TNIP2: variants seen among roughly 807,000 people sequenced by gnomAD.
TNIP2 encodes the protein TNFAIP3-interacting protein 2.
Under a neutral mutation model 43.7 loss-of-function variants are expected in TNIP2, and 30 were observed. That is an observed-to-expected ratio of 0.69 (90% CI 0.51 to 0.93). The LOEUF (loss-of-function observed/expected upper bound fraction) is 0.93, where lower values mean the gene tolerates loss of function less well. Ranked by LOEUF, TNIP2 falls within the 40% of genes least tolerant of loss-of-function variation. The probability of loss-of-function intolerance (pLI) is 0.00; values close to 1 mark genes in which losing one functional copy is unlikely to be tolerated. For missense variants in TNIP2, 599 were observed against 591.0 expected, an observed-to-expected ratio of 1.01 and a Z score of -0.14; for synonymous variants, 260 against 254.6, an observed-to-expected ratio of 1.02 and a Z score of -0.20.
chr4:2,752,102 TAA>T (rs77704885), intron 1 of TNIP2, among the ~76,000 whole-genome samples: 24 of 103,760 alleles, frequency 2.3e-4, no homozygotes, highest in Non-Finnish European at 2.8e-4. Context: ...AGACTCAGTT[TAA>T]AAAAAAAAAA....
intron 1 of TNIP2, among the ~76,000 whole-genome samples, chr4:2,755,637 C>T (rs1722214066): frequency 6.9e-6 from 1 of 144,734 alleles, no homozygotes; most frequent in South Asian, 2.3e-4. Context: ...ACCTGGTCCC[C>T]CTCTCTCCCC....
chr4:2,743,564 G>T (rs1265367005), intron 5 of TNIP2, among the ~76,000 whole-genome samples: 1 of 152,210 alleles, frequency 6.6e-6, no homozygotes, highest in African/African-American at 2.4e-5. Context: ...CTGAGGCCCA[G>T]TGGCTGCTCG....
chr4:2,744,991 A>C lies in TNIP2; in HGVS notation c.658-46T>G, dbSNP rs772908129. ...AGCTCACGGTGAAGGCAGCTGACAA[A>C]GCTGCTCAAGCCAGCACCCAGTGTG... On this transcript the variant is annotated intron_variant, in intron 3 of 5. Transcript: ENST00000315423. The surrounding 1 kb of genome is among the most constrained non-coding windows in gnomAD (Gnocchi z 5.1). 1 of 1,569,880 alleles carries C rather than the reference A, an allele frequency of 6.4e-7. No individual in the cohort carries two copies. The highest frequency in any genetic ancestry group is 1.8e-5 in the Admixed American group (1 of 56,106).
In TNIP2 at chr4:2,744,296, GC is replaced by G; in HGVS notation, c.1026+90del. On this transcript the variant is annotated intron_variant, in intron 5 of 5. Transcript: ENST00000315423. The surrounding 1 kb of genome is among the most constrained non-coding windows in gnomAD (Gnocchi z 5.1). ...CAACCCTCATCACCAGCAAATCAGG[GC>G]CTTGGCAGACACAGAAAGGCTCTAA... 6.5e-7 allele frequency: 1 copy of G among 1,536,320 alleles called. No homozygotes were observed. The highest frequency in any genetic ancestry group is 8.9e-7 in the Non-Finnish European group (1 of 1,124,706).
At chr4:2,748,528 G>A (rs1443625379) in intron 1 of TNIP2, among the ~76,000 whole-genome samples, 2 of 151,912 alleles carry the variant, frequency 1.3e-5, no homozygotes, top group African/African-American at 4.8e-5. Context: ...ATTTTTAGTA[G>A]AGATGGGGTT....
chr4:2,756,155 G>A lies in TNIP2; in HGVS notation c.135C>T (p.Ile45=), dbSNP rs1393336279. Residue 45 remains isoleucine, a synonymous_variant, in exon 1 of 6, where the codon ATC becomes ATT. Coordinates refer to ENST00000315423, the MANE Select transcript of TNIP2 (RefSeq NM_024309.4). ...CGGCCAGGCGGGCGCGGAGGCGAGC[G>A]ATGAGGGCGTCGCGGGCAGCGAGCT... ...QDQLAARDAL[I]ARLRARLAAL... 1.4e-6 allele frequency: 2 copies of A among 1,477,194 alleles called. No homozygotes were observed. The highest frequency in any genetic ancestry group is 5.9e-5 in the East Asian group (2 of 33,966). The allele number at this position is 1,477,194 out of a possible 1,614,324, so 91.5% of individuals were successfully genotyped here. A position where few individuals can be genotyped will look rare whatever the true frequency, so the allele number is the denominator to read the frequency against.
Position 2,742,409 on chromosome 4 carries a change from C to T in TNIP2, c.1138G>A (p.Gly380Arg). 1 of 1,612,550 alleles carries T rather than the reference C, an allele frequency of 6.2e-7. No homozygotes were observed. The highest frequency in any genetic ancestry group is 8.5e-7 in the Non-Finnish European group (1 of 1,179,172). ...MVPGGWRPGT[G>R]SQQPEPPAEG... ...GCAGGGGGTTCTGGCTGCTGGGACCCAGTCCCAGGCCTCCAGCCACCAGGC... is the reference window on the plus strand; with the variant it reads ...GCAGGGGGTTCTGGCTGCTGGGACCTAGTCCCAGGCCTCCAGCCACCAGGC... Residue 380 changes from glycine (G) to arginine (R), a missense_variant, in exon 6 of 6, where the codon GGG becomes AGG. By Grantham distance (125) the Gly-to-Arg change is moderately radical. Transcript: ENST00000315423.
Position 2,750,593 on chromosome 4 carries a change from G to A in TNIP2, c.277-2648C>T, listed in dbSNP as rs187422205. 2.0e-5 allele frequency among the ~76,000 whole-genome samples: 3 copies of A among 151,890 alleles called. No homozygotes were observed. The East Asian group carries it at 5.8e-4, about 29-fold the overall frequency. ...GGGCTCGAGGTCAAGGCTGCAGTGT[G>A]CTGTGACGGTGCCACTGCACTCTAG... On this transcript the variant is annotated intron_variant, in intron 1 of 5. Coordinates refer to ENST00000315423, the MANE Select transcript of TNIP2 (RefSeq NM_024309.4).
At chr4:2,747,218 G>A (rs1237166921) in intron 2 of TNIP2, among the ~76,000 whole-genome samples, 2 of 152,230 alleles carry the variant, frequency 1.3e-5, no homozygotes, top group African/African-American at 2.4e-5. Flanking sequence ...GGGCACTCAC[G>A]GTCCTTCCAG....
In TNIP2 at chr4:2,744,911, T is replaced by C. The variant is rs1229872186; in HGVS notation, c.692A>G (p.Asn231Ser). ...EDLNAKWQRYNASRDEYVRGL... is the reference protein window; with the variant it reads ...EDLNAKWQRYSASRDEYVRGL... The stretch of plus-strand genomic sequence containing the variant: ...CCTCACGTATTCGTCCCTGCTGGCG[T>C]TGTAGCGCTGCCACTTGGCATTGAG... The change falls in exon 4 of 6, where the codon AAC becomes AGC. Residue 231 changes from asparagine to serine, a missense_variant. By Grantham distance (46) the Asn-to-Ser change is conservative. Transcript: ENST00000315423. The surrounding 1 kb of genome is among the most constrained non-coding windows in gnomAD (Gnocchi z 5.1). 1.4e-5 allele frequency: 22 copies of C among 1,609,778 alleles called. No homozygotes were observed. The highest frequency in any genetic ancestry group is 4.0e-5 in the African/African-American group (3 of 74,874).
chr4:2,742,482 C>T lies in TNIP2; in HGVS notation c.1065G>A (p.Gly355=). ...REPDAGRIHA[G]SKTAKYLAAD... ...CGGCCAAATACTTGGCAGTTTTGCTCCCAGCGTGAATCCGGCCGGCGTCTG... is the reference window on the plus strand; with the variant it reads ...CGGCCAAATACTTGGCAGTTTTGCTTCCAGCGTGAATCCGGCCGGCGTCTG... The change falls in exon 6 of 6, where the codon GGG becomes GGA. Residue 355 remains glycine, a synonymous_variant. Transcript: ENST00000315423. 6.2e-7 allele frequency: 1 copy of T among 1,603,920 alleles called. No homozygotes were observed. Among genetic ancestry groups the T allele is most frequent in the Non-Finnish European group, 8.5e-7 (1 of 1,173,300 alleles).
chr4:2,747,436 G>C (rs908506361), intron 2 of TNIP2: 1 of 571,526 alleles, frequency 1.7e-6, no homozygotes, highest in Admixed American at 3.1e-5. Context: ...CCTGGTGCTG[G>C]GCAGTGAGGT....
At position 2,745,036 on chromosome 4, in the gene TNIP2, T is replaced by C. The variant is rs1026768107; in HGVS notation, c.658-91A>G. The C allele has an allele frequency of 6.1e-6, 9 of 1,479,570 alleles. No individual in the cohort carries two copies. The Admixed American group carries it at 6.9e-5, about 11-fold the overall frequency. 91.7% of individuals were successfully genotyped at this position (1,479,570 alleles called of 1,614,324 possible). On this transcript the variant is annotated intron_variant, in intron 3 of 5. Coordinates refer to ENST00000315423, the MANE Select transcript of TNIP2 (RefSeq NM_024309.4). ...AGTGTGAATTATGTATTAGCAGTGA[T>C]TCGCTGAGTGAGAGTTTCCTCTTAA...
chr4:2,756,134 CAGGCGGGCGCGG>C lies in TNIP2; in HGVS notation c.144_155del (p.Arg49_Leu52del). ...GCGCGGCGTCCCCCTCCAGCGCGGC[CAGGCGGGCGCGG>C]AGGCGAGCGATGAGGGCGTCGCGGG... On this transcript the variant is annotated inframe_deletion, in exon 1 of 6. Coordinates refer to ENST00000315423, the MANE Select transcript of TNIP2 (RefSeq NM_024309.4). 6.8e-7 allele frequency: 1 copy of C among 1,473,646 alleles called. No homozygotes were observed. Among genetic ancestry groups the C allele is most frequent in the Middle Eastern group, 2.3e-4 (1 of 4,294 alleles). 91.3% of individuals were successfully genotyped at this position (1,473,646 alleles called of 1,614,324 possible).
chr4:2,745,980 A>G (rs11729691), intron 2 of TNIP2: 10,863 of 177,574 alleles, frequency 0.061, 629 homozygotes, highest in African/African-American at 0.15. Context: ...ATCTCCAGTG[A>G]GGGGGCCCCC....
intron 2 of TNIP2, among the ~76,000 whole-genome samples, chr4:2,745,759 G>A (rs938689487): frequency 4.6e-5 from 7 of 152,260 alleles, no homozygotes; most frequent in African/African-American, 1.7e-4. Context: ...AGGTCTTCAG[G>A]CCACACCACC....
In TNIP2 at chr4:2,742,466, A is replaced by T. The variant is rs553859999; in HGVS notation, c.1081T>A (p.Tyr361Asn). The change falls in exon 6 of 6, where the codon TAT becomes AAT. Residue 361 changes from tyrosine (Y) to asparagine (N), a missense_variant. Physicochemically the swap from Tyr to Asn is moderately radical, Grantham distance 143. Coordinates refer to ENST00000315423, the MANE Select transcript of TNIP2 (RefSeq NM_024309.4). Reference protein sequence around the residue: ...RIHAGSKTAKYLAADALELMV... With the variant: ...RIHAGSKTAKNLAADALELMV... ...AGCTCTAATGCGTCGGCGGCCAAATACTTGGCAGTTTTGCTCCCAGCGTGA... is the reference window on the plus strand; with the variant it reads ...AGCTCTAATGCGTCGGCGGCCAAATTCTTGGCAGTTTTGCTCCCAGCGTGA... The T allele has an allele frequency of 1.2e-6, 2 of 1,609,016 alleles. No individual in the cohort carries two copies. Among genetic ancestry groups the T allele is most frequent in the African/African-American group, 2.7e-5 (2 of 74,728 alleles).
intron 1 of TNIP2, 191 bp downstream of exon 1, chr4:2,755,823 A>C: frequency 1.9e-4 from 65 of 347,336 alleles, no homozygotes; most frequent in Middle Eastern, 1.3e-3. Context: ...CACCCCCAGG[A>C]CCCGGCACCC....
In TNIP2 at chr4:2,742,375, C is replaced by T; in HGVS notation, c.1172G>A (p.Gly391Glu). The T allele has an allele frequency of 6.2e-7, 1 of 1,607,400 alleles. No homozygotes were observed. ...GCCTCTCTGGGCCGCGCCAGGATGC[C>T]CGCCCTCTGCAGGGGGTTCTGGCTG... ...SQQPEPPAEG[G>E]HPGAAQRGQG... Residue 391 changes from glycine (G) to glutamate (E), a missense_variant, in exon 6 of 6, where the codon GGG becomes GAG. By Grantham distance (98) the Gly-to-Glu change is moderately conservative (BLOSUM62 -2). Coordinates refer to ENST00000315423, the MANE Select transcript of TNIP2 (RefSeq NM_024309.4).
Sources: gnomAD v4.1 joint callset for allele counts (sites outside exome capture counted in the v4.1 genomes callset) on GRCh38, gnomAD v4.1.1 for gene constraint, Gnocchi (gnomAD v3.1) non-coding constraint, MANE v1.5 for transcripts, NCBI Gene and HGNC (gene_info 2026-07-23, HGNC 2026-07-21) for gene names.